The following ZFYVE9 variants were observed in gnomAD, a reference collection of about 807,000 sequenced individuals.
ZFYVE9 encodes the protein zinc finger FYVE domain-containing protein 9.
Under a neutral mutation model 126.7 loss-of-function variants are expected in ZFYVE9, and 43 were observed. That is an observed-to-expected ratio of 0.34 (90% confidence interval 0.27 to 0.44). ZFYVE9 has a LOEUF of 0.44. Ranked by LOEUF, ZFYVE9 falls within the 20% of genes least tolerant of loss-of-function variation. The probability of loss-of-function intolerance (pLI) is 1.00; values close to 1 mark genes in which losing one functional copy is unlikely to be tolerated. For synonymous variants in ZFYVE9, 521 were observed against 597.4 expected (o/e 0.87, Z 1.87); for missense variants, 1,476 against 1,697.0 (o/e 0.87, Z 2.29).
At chr1:52,301,828 G>A (rs552914254) in intron 12 of ZFYVE9, among the ~76,000 whole-genome samples, 12 of 152,156 alleles carry the variant, frequency 7.9e-5, no homozygotes, top group African/African-American at 2.6e-4. Context: ...ATTGTTTCAC[G>A]TCTTACTAAT....
chr1:52,225,346 G>T (rs1008617065), intron 2 of ZFYVE9, among the ~76,000 whole-genome samples: 8 of 152,198 alleles, frequency 5.3e-5, no homozygotes, highest in South Asian at 2.1e-4. Flanking sequence ...AAAGGAGAAT[G>T]GGATCCTGGA....
chr1:52,205,866 C>G (rs1489459074), intron 1 of ZFYVE9, among the ~76,000 whole-genome samples: 2 of 152,148 alleles, frequency 1.3e-5, no homozygotes, highest in African/African-American at 4.8e-5. Flanking sequence ...AGATTGCCAC[C>G]TAGAATGATC....
intron 1 of ZFYVE9, among the ~76,000 whole-genome samples, chr1:52,207,356 C>T (rs559236990): frequency 6.6e-6 from 1 of 152,298 alleles, no homozygotes; most frequent in Non-Finnish European, 1.5e-5. Flanking sequence ...TTAAACTACT[C>T]TGCTTTTTGT....
rs1172137999 is a variant in ZFYVE9 at position 52,168,145 on chromosome 1, T to C, written c.-143+25742T>C. 4.6e-5 allele frequency among the ~76,000 whole-genome samples: 7 copies of C among 151,948 alleles called. No individual in the cohort carries two copies. The South Asian group carries it at 1.2e-3, about 27-fold the overall frequency. Reference sequence around the variant, plus strand: ...TATTAAAATCTGTCATAAAGCAAATTTGAAAATAGAAACAAATTAAGTTTG... The same window carrying C: ...TATTAAAATCTGTCATAAAGCAAATCTGAAAATAGAAACAAATTAAGTTTG... On this transcript the variant is annotated intron_variant, in intron 1 of 18. Coordinates refer to ENST00000287727, the MANE Select transcript of ZFYVE9 (RefSeq NM_004799.4).
intron 2 of ZFYVE9, among the ~76,000 whole-genome samples, chr1:52,231,205 GAT>G (rs895549172): frequency 2.6e-5 from 4 of 152,082 alleles, no homozygotes; most frequent in African/African-American, 9.7e-5. Flanking sequence ...AGACAACAAA[GAT>G]AGATATTTAA....
At chr1:52,263,725 G>A (rs1381213482) in intron 4 of ZFYVE9, 48 bp from the exon 5 acceptor site, 6 of 1,057,354 alleles carry the variant, frequency 5.7e-6, no homozygotes, top group South Asian at 1.5e-5. Flanking sequence ...TCTTTGCATG[G>A]CAATCCCAAG....
intron 7 of ZFYVE9, among the ~76,000 whole-genome samples, chr1:52,271,279 T>G (rs1039229763): frequency 6.6e-6 from 1 of 152,234 alleles, no homozygotes; most frequent in African/African-American, 2.4e-5. Context: ...TCTCACATTG[T>G]GCAACACTCT....
intron 3 of ZFYVE9, among the ~76,000 whole-genome samples, chr1:52,235,504 C>A (rs982909585): frequency 6.6e-6 from 1 of 151,928 alleles, no homozygotes; most frequent in African/African-American, 2.4e-5. Context: ...TTTAAGGAAT[C>A]CTGTGTTACT....
intron 13 of ZFYVE9, among the ~76,000 whole-genome samples, chr1:52,330,402 C>G (rs1646329945): frequency 6.6e-6 from 1 of 152,070 alleles, no homozygotes; most frequent in African/African-American, 2.4e-5. Context: ...GCTCCATAGG[C>G]AGAGCAGTGT....
At chr1:52,340,277 T>TAGAATGTGTCAACCCAGAA (rs1646422188) in intron 17 of ZFYVE9, 46 bp downstream of exon 17, 1 of 1,474,972 alleles carries the variant, frequency 6.8e-7, no homozygotes, top group Non-Finnish European at 9.4e-7. Flanking sequence ...TGAGCACAAC[T>TAGAATGTGTCAACCCAGAA]TTTTGCTAGG....
intron 8 of ZFYVE9, 139 bp from the exon 9 acceptor site, chr1:52,278,353 C>T (rs1645768222): frequency 8.1e-6 from 9 of 1,108,780 alleles, no homozygotes; most frequent in Non-Finnish European, 1.2e-5. Context: ...CCAGCAGATA[C>T]AAACCATGCT....
At chr1:52,300,085 C>T (rs554960945) in intron 12 of ZFYVE9, among the ~76,000 whole-genome samples, 2 of 152,276 alleles carry the variant, frequency 1.3e-5, no homozygotes, top group East Asian at 1.9e-4. Context: ...GCTTCGCTCC[C>T]GTCTCTGTGG....
intron 4 of ZFYVE9, among the ~76,000 whole-genome samples, chr1:52,260,648 C>T (rs558186993): frequency 9.3e-4 from 141 of 152,162 alleles, no homozygotes; most frequent in African/African-American, 3.3e-3. Context: ...GAAACCCCAT[C>T]TCTACTAAAA....
intron 1 of ZFYVE9, among the ~76,000 whole-genome samples, chr1:52,213,265 A>G (rs1572104962): frequency 1.3e-5 from 2 of 152,228 alleles, no homozygotes; most frequent in East Asian, 1.9e-4. Context: ...TTATTAGGGC[A>G]TTAGCAACTT....
intron 3 of ZFYVE9, among the ~76,000 whole-genome samples, chr1:52,236,195 C>T (rs1028017545): frequency 1.3e-5 from 2 of 152,122 alleles, no homozygotes; most frequent in African/African-American, 4.8e-5. Context: ...CTTCATGTTC[C>T]TCAATCCTGC....
At chr1:52,318,487 G>A (rs2147856588) in intron 13 of ZFYVE9, among the ~76,000 whole-genome samples, 1 of 150,886 alleles carries the variant, frequency 6.6e-6, no homozygotes, top group African/African-American at 2.4e-5. Context: ...CATCTCTAAT[G>A]GTAACAGACT....
At chr1:52,284,072 G>A (rs1418606449) in intron 10 of ZFYVE9, among the ~76,000 whole-genome samples, 1 of 152,110 alleles carries the variant, frequency 6.6e-6, no homozygotes, top group East Asian at 1.9e-4. Context: ...CAGATTCCTC[G>A]CTTGAGCACC....
chr1:52,215,802 A>T (rs894369532), intron 1 of ZFYVE9, among the ~76,000 whole-genome samples: 7 of 152,322 alleles, frequency 4.6e-5, no homozygotes, highest in Non-Finnish European at 7.4e-5. Flanking sequence ...TGTCTTTTGC[A>T]TGCATGCCTG....
chr1:52,256,432 C>T (rs985368383), intron 4 of ZFYVE9, among the ~76,000 whole-genome samples: 1 of 151,770 alleles, frequency 6.6e-6, no homozygotes, highest in Admixed American at 6.6e-5. Context: ...AGTGCAGTGG[C>T]ACAACCTCAG....
Sources: gnomAD v4.1 joint callset for allele counts (sites outside exome capture counted in the v4.1 genomes callset) on GRCh38, gnomAD v4.1.1 for gene constraint, MANE v1.5 for transcripts, NCBI Gene and HGNC (gene_info 2026-07-23, HGNC 2026-07-21) for gene names.